The following PSMB7 variants were observed in gnomAD, a reference collection of about 807,000 sequenced individuals.
The protein encoded by PSMB7 is proteasome 20S subunit beta 7, also known as proteasome subunit beta type-7.
In PSMB7, 5 loss-of-function variants were observed where a neutral mutation model predicts 28.1. The observed-to-expected ratio is 0.18, with a 90% CI of 0.09 to 0.37. The LOEUF (loss-of-function observed/expected upper bound fraction) is 0.37. Among genes scored for constraint, PSMB7 ranks in the 10% least tolerant of loss-of-function variants. PSMB7 has a pLI of 1.00. For synonymous variants in PSMB7, 122 were observed against 123.7 expected (o/e 0.99, Z 0.09); for missense variants, 275 against 346.2 (o/e 0.79, Z 1.63).
rs142542722 is a variant in PSMB7, at chr9:124,402,519, T to C, written c.511+2798A>G. Among the ~76,000 whole-genome samples the C allele has an allele frequency of 2.0e-4, 30 of 152,314 alleles. No homozygotes were observed. The East Asian group carries it at 5.2e-3, about 26-fold the overall frequency. ...TGAAGGATTCAGAGGTGAAAGGCTG[T>C]GGTGCCTGCTATTTACCCTCAAATG... On this transcript the variant is annotated intron_variant, in intron 5 of 7. Coordinates refer to ENST00000259457, the MANE Select transcript of PSMB7 (RefSeq NM_002799.4).
chr9:124,413,136 T>A (rs1457578584), intron 3 of PSMB7, among the ~76,000 whole-genome samples: 1 of 123,318 alleles, frequency 8.1e-6, no homozygotes, highest in East Asian at 2.2e-4. Flanking sequence ...GGCAACATAG[T>A]GTGACCGCAT....
intron 6 of PSMB7, among the ~76,000 whole-genome samples, chr9:124,357,813 A>G (rs571827991): frequency 6.6e-6 from 1 of 152,176 alleles, no homozygotes; most frequent in South Asian, 2.1e-4. Context: ...TGACCCAAGT[A>G]AGTACAATGC....
At chr9:124,412,261 GT>G in intron 4 of PSMB7, 90 bp downstream of exon 4, 1 of 1,294,510 alleles carries the variant, frequency 7.7e-7, no homozygotes. Flanking sequence ...TTCTGAATGT[GT>G]TTTTGCTACT....
chr9:124,357,301 T>TA (rs1198381036), intron 6 of PSMB7, among the ~76,000 whole-genome samples: 8 of 152,100 alleles, frequency 5.3e-5, no homozygotes, highest in African/African-American at 1.7e-4. Flanking sequence ...CACACACAAA[T>TA]ACATTAAAAA....
chr9:124,401,574 G>A (rs1830907493), intron 5 of PSMB7, among the ~76,000 whole-genome samples: 1 of 152,186 alleles, frequency 6.6e-6, no homozygotes, highest in Admixed American at 6.5e-5. Flanking sequence ...TCCCAGCTTG[G>A]AAGTGACCTT....
chr9:124,406,877 C>G (rs568627191), intron 4 of PSMB7, among the ~76,000 whole-genome samples: 1 of 151,996 alleles, frequency 6.6e-6, no homozygotes, highest in East Asian at 1.9e-4. Flanking sequence ...TTACTCCTAA[C>G]GTGGGAGGCT....
intron 4 of PSMB7, among the ~76,000 whole-genome samples, chr9:124,411,457 G>T (rs1831026628): frequency 1.3e-5 from 2 of 152,278 alleles, no homozygotes; most frequent in Admixed American, 6.5e-5. Flanking sequence ...CTAGGGGCAG[G>T]TATTATGATA....
chr9:124,358,340 C>G (rs1256612647), intron 6 of PSMB7, among the ~76,000 whole-genome samples: 1 of 152,206 alleles, frequency 6.6e-6, no homozygotes, highest in East Asian at 1.9e-4. Context: ...AAGTGGGCTC[C>G]TCAGCAAACC....
Position 124,356,152 on chromosome 9 carries a change from C to G in PSMB7, c.722+612G>C, listed in dbSNP as rs886424722. Among the ~76,000 whole-genome samples the G allele has an allele frequency of 6.6e-6, 1 of 152,166 alleles. No homozygotes were observed. Among genetic ancestry groups the G allele is most frequent in the African/African-American group, 2.4e-5 (1 of 41,422 alleles). ...CACGAGACACTGCAAACGAGCTGCT[C>G]CTCTGACACATGCTAGCCACCAGGT... On this transcript the variant is annotated intron_variant, in intron 7 of 7. Coordinates refer to ENST00000259457, the MANE Select transcript of PSMB7 (RefSeq NM_002799.4). The surrounding 1 kb of genome is among the most constrained non-coding windows in gnomAD (Gnocchi z 4.4).
At chr9:124,379,898 G>A (rs958217821) in intron 6 of PSMB7, among the ~76,000 whole-genome samples, 1 of 152,226 alleles carries the variant, frequency 6.6e-6, no homozygotes, top group African/African-American at 2.4e-5. Flanking sequence ...ACTAAGCTCA[G>A]GGTTATCCTA....
intron 5 of PSMB7, among the ~76,000 whole-genome samples, chr9:124,387,612 T>A (rs1301513350): frequency 6.6e-6 from 1 of 151,972 alleles, no homozygotes; most frequent in African/African-American, 2.4e-5. Flanking sequence ...GAAAGGGAAA[T>A]TCAACATTAA....
intron 6 of PSMB7, among the ~76,000 whole-genome samples, chr9:124,381,615 C>A (rs563176683): frequency 3.3e-5 from 5 of 152,288 alleles, no homozygotes; most frequent in African/African-American, 1.2e-4. Flanking sequence ...GAAAGAAAGT[C>A]TCCCTGGAAA....
intron 4 of PSMB7, among the ~76,000 whole-genome samples, chr9:124,410,161 A>AT (rs1456453148): frequency 2.0e-5 from 3 of 151,848 alleles, no homozygotes; most frequent in African/African-American, 7.3e-5. Flanking sequence ...CGCCCGGCTA[A>AT]TTTTTTGTAA....
intron 6 of PSMB7, among the ~76,000 whole-genome samples, chr9:124,364,699 C>T (rs763659506): frequency 3.9e-5 from 6 of 152,076 alleles, no homozygotes; most frequent in African/African-American, 1.2e-4. Flanking sequence ...CCTGGAGCCA[C>T]GGAAAGGGCT....
At chr9:124,391,197 T>C (rs546165081) in intron 5 of PSMB7, among the ~76,000 whole-genome samples, 1 of 152,358 alleles carries the variant, frequency 6.6e-6, no homozygotes, top group South Asian at 2.1e-4. Context: ...CAAGTAGTAG[T>C]AGTCCCATTT....
intron 5 of PSMB7, among the ~76,000 whole-genome samples, chr9:124,388,383 G>A (rs946715217): frequency 1.3e-5 from 2 of 152,196 alleles, no homozygotes; most frequent in Non-Finnish European, 2.9e-5. Flanking sequence ...CATGAGCAAG[G>A]GTGAGGCCTC....
intron 5 of PSMB7, chr9:124,396,930 T>C: frequency 2.5e-6 from 1 of 401,106 alleles, no homozygotes; most frequent in South Asian, 1.9e-5. Flanking sequence ...CTAAAATGCT[T>C]TCCCTTTCCT....
At chr9:124,415,235 AC>A in intron 1 of PSMB7, 128 bp downstream of exon 1, 1 of 1,056,354 alleles carries the variant, frequency 9.5e-7, no homozygotes, top group Non-Finnish European at 1.4e-6. Flanking sequence ...CCTGAGTCAC[AC>A]TAGCCGCGGG....
intron 5 of PSMB7, among the ~76,000 whole-genome samples, chr9:124,401,292 A>G (rs1180180656): frequency 6.6e-6 from 1 of 152,082 alleles, no homozygotes; most frequent in East Asian, 1.9e-4. Context: ...CCAGCCACAC[A>G]CTCCTTCCTA....
Sources: allele counts gnomAD v4.1 joint callset (sites outside exome capture counted in the v4.1 genomes callset), GRCh38; gene constraint gnomAD v4.1.1; non-coding constraint Gnocchi (gnomAD v3.1); transcripts MANE v1.5; gene names NCBI Gene and HGNC (gene_info 2026-07-23, HGNC 2026-07-21).